The following SPATA6L variants were observed in gnomAD, a reference collection of about 807,000 sequenced individuals.
SPATA6L encodes spermatogenesis associated 6 like, also known as spermatogenesis associated 6-like protein.
A neutral mutation model predicts 49.2 loss-of-function variants in SPATA6L; 68 were observed. The observed-to-expected ratio is 1.38, with a 90% CI of 1.14 to 1.69. SPATA6L has a LOEUF of 1.69. SPATA6L is among the 40% of genes most tolerant of loss of function. The pLI is 0.00. For synonymous variants in SPATA6L, 198 were observed against 165.7 expected (o/e 1.19, Z -1.50); for missense variants, 668 against 464.3 (o/e 1.44, Z -4.03).
Position 4,600,372 on chromosome 9 carries a change from G to C in SPATA6L, c.*439C>G, listed in dbSNP as rs1176504449. ...ACAACAAAAACGGATCTACCGAAAA[G>C]AGAAAGTCAGGTTGATAGTCTTTCC... On this transcript the variant is annotated 3_prime_UTR_variant, in exon 12 of 12. Coordinates refer to ENST00000682582, the MANE Select transcript of SPATA6L (RefSeq NM_001353486.2). 3 of 152,594 alleles carry C rather than the reference G, an allele frequency of 2.0e-5. No individual in the cohort carries two copies. Among genetic ancestry groups the C allele is most frequent in the Admixed American group, 1.3e-4 (2 of 15,282 alleles). The allele number at this position is 152,594 out of a possible 1,614,324, so 9.5% of individuals were successfully genotyped here.
At position 4,648,724 on chromosome 9, in the gene SPATA6L, A is replaced by AAAT. The variant is rs769508422; in HGVS notation, c.226+7314_226+7316dup. Among the ~76,000 whole-genome samples, 117 of 149,210 alleles carry AAAT rather than the reference A, an allele frequency of 7.8e-4. 1 individual carries two copies. Among genetic ancestry groups the AAAT allele is most frequent in the Middle Eastern group, 6.9e-3 (2 of 290 alleles). The stretch of plus-strand genomic sequence containing the variant: ...CGAAAAATAAATAAATTAAATAAAT[A>AAAT]AATACATAAGTTCTTTAGTGGTGAT... On this transcript the variant is annotated intron_variant, in intron 3 of 11. Transcript: ENST00000682582.
chr9:4,609,416 A>T (rs555715439), intron 9 of SPATA6L, among the ~76,000 whole-genome samples: 2 of 152,328 alleles, frequency 1.3e-5, no homozygotes, highest in East Asian at 3.9e-4. Flanking sequence ...GGCAAAACGA[A>T]TCCAGCAGCA....
chr9:4,644,170 G>A (rs1234825857), intron 3 of SPATA6L, among the ~76,000 whole-genome samples: 4 of 96,562 alleles, frequency 4.1e-5, no homozygotes, highest in African/African-American at 1.5e-4. Context: ...AACATAGTAA[G>A]ATGCCATCTC....
chr9:4,656,450 AAGGAAGG>A (rs779183171), intron 2 of SPATA6L, among the ~76,000 whole-genome samples: 1,242 of 121,830 alleles, frequency 0.01, 20 homozygotes, highest in African/African-American at 0.028. Context: ...GAAAGGAAGG[AAGGAAGG>A]AAGGAAGGAA....
intron 5 of SPATA6L, chr9:4,627,477 T>G (rs1830566747): frequency 8.1e-6 from 2 of 246,464 alleles, no homozygotes; most frequent in African/African-American, 4.7e-5. Context: ...TTTCAAGGTC[T>G]TTTCTAGGAC....
At position 4,662,463 on chromosome 9, in the gene SPATA6L, G is replaced by A. The variant is rs1425200482; in HGVS notation, c.40-427C>T. 6.5e-7 allele frequency: 1 copy of A among 1,546,078 alleles called. No homozygotes were observed. The highest frequency in any genetic ancestry group is 1.9e-5 in the Admixed American group (1 of 52,146). ...CAGCAGCCCCGGCAGCCCAGCCCAT[G>A]GCGGCGGTGGCGGCGGCAGCAGGTT... On this transcript the variant is annotated intron_variant, in intron 1 of 11. Coordinates refer to ENST00000682582, the MANE Select transcript of SPATA6L (RefSeq NM_001353486.2). The surrounding 1 kb of genome is among the most constrained non-coding windows in gnomAD (Gnocchi z 4.9).
Position 4,605,408 on chromosome 9 carries a change from T to C in SPATA6L, c.1028A>G (p.Asn343Ser). 1 of 1,614,052 alleles carries C rather than the reference T, an allele frequency of 6.2e-7. No homozygotes were observed. The highest frequency in any genetic ancestry group is 8.5e-7 in the Non-Finnish European group (1 of 1,179,878). The change falls in exon 10 of 12, where the codon AAT becomes AGT. Residue 343 changes from asparagine (N) to serine (S), a missense_variant. Asn to Ser is a conservative substitution (Grantham distance 46, BLOSUM62 1). Transcript: ENST00000682582. ...FHPGSQSTWKNIHERVCSLLT... is the reference protein window; with the variant it reads ...FHPGSQSTWKSIHERVCSLLT... ...AAGACTGCATACCCTCTCATGGATATTCTTCCATGTGGACTGAGAACCAGG... is the reference window on the plus strand; with the variant it reads ...AAGACTGCATACCCTCTCATGGATACTCTTCCATGTGGACTGAGAACCAGG...
intron 3 of SPATA6L, chr9:4,646,624 G>T: frequency 1.9e-6 from 1 of 524,248 alleles, no homozygotes; most frequent in Non-Finnish European, 3.1e-6. Context: ...CCACTTAATA[G>T]TAATAATAAT....
intron 7 of SPATA6L, among the ~76,000 whole-genome samples, chr9:4,620,023 G>A (rs545164224): frequency 4.6e-5 from 7 of 152,184 alleles, no homozygotes; most frequent in South Asian, 4.2e-4. Flanking sequence ...CCCTCCCCAC[G>A]TCACCGGTAG....
intron 7 of SPATA6L, among the ~76,000 whole-genome samples, chr9:4,619,684 G>T (rs1456166447): frequency 6.6e-6 from 1 of 152,082 alleles, no homozygotes; most frequent in African/African-American, 2.4e-5. Context: ...GAATATATTT[G>T]TCCAAGGTAG....
intron 4 of SPATA6L, among the ~76,000 whole-genome samples, chr9:4,629,755 A>G (rs191583873): frequency 0.021 from 2,625 of 125,302 alleles, 138 homozygotes; most frequent in African/African-American, 0.078. Context: ...TGTTTTATAT[A>G]TGTGTGTGTG....
intron 3 of SPATA6L, among the ~76,000 whole-genome samples, chr9:4,642,396 AG>A: frequency 6.6e-6 from 1 of 152,370 alleles, no homozygotes; most frequent in East Asian, 1.9e-4. Context: ...ATTTCTGAAA[AG>A]TAGTCAGGAG....
Position 4,629,157 on chromosome 9 carries a change from G to T in SPATA6L, c.363C>A (p.Pro121=). The T allele has an allele frequency of 1.9e-6, 3 of 1,601,310 alleles. No individual in the cohort carries two copies. The highest frequency in any genetic ancestry group is 2.5e-6 in the Non-Finnish European group (3 of 1,177,818). ...KTALGFPGIA[P]KIEFSTRTAI... ...CTGTCCTTGTAGAAAACTCTATTTT[G>T]GGAGCAATGCCCTATAAAACAGCAT... The change falls in exon 5 of 12, where the codon CCC becomes CCA. Residue 121 remains proline, a synonymous_variant. Coordinates refer to ENST00000682582, the MANE Select transcript of SPATA6L (RefSeq NM_001353486.2).
chr9:4,635,275 T>G lies in SPATA6L; in HGVS notation c.351A>C (p.Pro117=), dbSNP rs1422314553. 1 of 1,513,220 alleles carries G rather than the reference T, an allele frequency of 6.6e-7. No homozygotes were observed. The highest frequency in any genetic ancestry group is 8.8e-7 in the Non-Finnish European group (1 of 1,142,592). 93.7% of individuals were successfully genotyped at this position (1,513,220 alleles called of 1,614,324 possible). A position where few individuals can be genotyped will look rare whatever the true frequency, so the allele number is the denominator to read the frequency against. The part of the protein sequence containing the change: ...EVLMKTALGF[P]GIAPKIEFST... Reference sequence around the variant, plus strand: ...GCCCAGATGAGCATGAATCACTTACTGGAAAACCCAGAGCCGTCTTCATGA... The same window carrying G: ...GCCCAGATGAGCATGAATCACTTACGGGAAAACCCAGAGCCGTCTTCATGA... Residue 117 remains proline (P), a splice_region_variant and synonymous_variant, in exon 4 of 12, where the codon CCA becomes CCC. Transcript: ENST00000682582.
At chr9:4,611,068 CAG>C (rs1197993209) in intron 9 of SPATA6L, among the ~76,000 whole-genome samples, 2 of 149,498 alleles carry the variant, frequency 1.3e-5, no homozygotes, top group African/African-American at 5.1e-5. Context: ...CACTGGCCAT[CAG>C]AGAAATGCAA....
downstream of SPATA6L, among the ~76,000 whole-genome samples, chr9:4,597,716 C>A (rs1274205068): frequency 2.0e-5 from 3 of 152,208 alleles, no homozygotes. Context: ...GGGTTCCCAG[C>A]ACAAGGGAAG....
intron 2 of SPATA6L, among the ~76,000 whole-genome samples, chr9:4,656,895 T>C (rs569882840): frequency 1.3e-5 from 2 of 152,262 alleles, no homozygotes; most frequent in East Asian, 3.9e-4. Context: ...AAAGAAATAT[T>C]ACCTATGCGT....
chr9:4,590,404 T>C (rs1261488778), intron 13 of SPATA6L, among the ~76,000 whole-genome samples: 1 of 152,174 alleles, frequency 6.6e-6, no homozygotes, highest in Non-Finnish European at 1.5e-5. Flanking sequence ...ATTTCTTCCC[T>C]TACTAGGGCA....
At chr9:4,633,876 T>C (rs890828786) in intron 4 of SPATA6L, 1 of 152,234 alleles carries the variant, frequency 6.6e-6, no homozygotes, top group Non-Finnish European at 1.5e-5. Context: ...ATTGAGTCCC[T>C]CTATCTATTC....
Sources: allele counts gnomAD v4.1 joint callset (sites outside exome capture counted in the v4.1 genomes callset), GRCh38; gene constraint gnomAD v4.1.1; non-coding constraint Gnocchi (gnomAD v3.1); transcripts MANE v1.5; gene names NCBI Gene and HGNC (gene_info 2026-07-23, HGNC 2026-07-21).